DPP6: variants seen among roughly 807,000 people sequenced by gnomAD.
The protein encoded by DPP6 is dipeptidyl peptidase like 6.
Under a neutral mutation model 122.6 loss-of-function variants are expected in DPP6, and 69 were observed. The ratio of observed to expected loss-of-function variants is 0.56; its 90% confidence interval spans 0.46 to 0.69. DPP6 has a LOEUF of 0.69. DPP6 is among the 30% of genes least tolerant of loss of function. The pLI, the probability that DPP6 is intolerant of heterozygous loss-of-function variation, is 0.00. For synonymous variants in DPP6, 418 were observed against 433.1 expected (o/e 0.97, Z 0.43); for missense variants, 928 against 1,116.9 (o/e 0.83, Z 2.41).
intron 1 of DPP6, among the ~76,000 whole-genome samples, chr7:154,386,809 C>T (rs760899895): frequency 6.6e-6 from 1 of 152,102 alleles, no homozygotes; most frequent in Non-Finnish European, 1.5e-5. Context: ...CCACTGAGCT[C>T]GTGCAATACT....
chr7:154,369,391 G>C (rs1003895245), intron 1 of DPP6, among the ~76,000 whole-genome samples: 2 of 152,092 alleles, frequency 1.3e-5, no homozygotes, highest in Admixed American at 6.5e-5. Context: ...TTTTGAGACA[G>C]AGTTTTGCTA....
the DPP6 span, among the ~76,000 whole-genome samples, chr7:153,795,479 G>A: frequency 6.6e-6 from 1 of 152,106 alleles, no homozygotes; most frequent in African/African-American, 2.4e-5. Flanking sequence ...TTTGTAAGCT[G>A]TGTCTTACCT....
chr7:154,696,614 C>T (rs1174773067), intron 7 of DPP6, among the ~76,000 whole-genome samples: 1 of 152,168 alleles, frequency 6.6e-6, no homozygotes, highest in East Asian at 1.9e-4. Context: ...CAGCCTGGTC[C>T]CCATCCAGGC....
chr7:154,601,595 C>T (rs1833410733), intron 5 of DPP6, among the ~76,000 whole-genome samples: 1 of 121,188 alleles, frequency 8.3e-6, no homozygotes, highest in African/African-American at 2.6e-5. Flanking sequence ...CTAACCTCTT[C>T]ATATGTTTAC....
chr7:154,298,682 C>G (rs1214936901), intron 1 of DPP6, among the ~76,000 whole-genome samples: 1 of 152,122 alleles, frequency 6.6e-6, no homozygotes, highest in African/African-American at 2.4e-5. Flanking sequence ...GCGTTAGGGC[C>G]TTTGGGAACT....
intron 1 of DPP6, among the ~76,000 whole-genome samples, chr7:154,136,994 C>G (rs1359954046): frequency 1.3e-5 from 2 of 152,220 alleles, no homozygotes; most frequent in Non-Finnish European, 2.9e-5. Context: ...ACCACCCTGT[C>G]TTACCACAGT....
intron 4 of DPP6, among the ~76,000 whole-genome samples, chr7:154,541,835 C>T (rs977454722): frequency 6.6e-6 from 1 of 152,036 alleles, no homozygotes; most frequent in Non-Finnish European, 1.5e-5. Flanking sequence ...GGATCCTGAG[C>T]GAGACTTAGA....
chr7:154,781,634 T>C (rs1797036734), intron 10 of DPP6, among the ~76,000 whole-genome samples: 1 of 152,220 alleles, frequency 6.6e-6, no homozygotes, highest in Non-Finnish European at 1.5e-5. Context: ...GAGCAGCGCT[T>C]GGTATTTAGG....
intron 1 of DPP6, among the ~76,000 whole-genome samples, chr7:154,440,856 C>T (rs1425172124): frequency 1.3e-5 from 2 of 152,188 alleles, no homozygotes; most frequent in Admixed American, 1.3e-4. Context: ...CAAGGCTGGA[C>T]CTCAGCTGTC....
chr7:154,540,661 G>T (rs1422187911), intron 4 of DPP6, 35 bp downstream of exon 4: 1 of 1,316,346 alleles, frequency 7.6e-7, no homozygotes, highest in East Asian at 2.5e-5. Flanking sequence ...GATAATTTCA[G>T]TTTTTCTTCC....
chr7:153,876,119 G>T, the DPP6 span, among the ~76,000 whole-genome samples: 1 of 151,886 alleles, frequency 6.6e-6, no homozygotes, highest in Non-Finnish European at 1.5e-5. Context: ...AGACTGGTAT[G>T]CACCTAATAA....
intron 1 of DPP6, among the ~76,000 whole-genome samples, chr7:154,074,104 GAT>G (rs1803354274): frequency 1.7e-4 from 14 of 81,888 alleles, no homozygotes; most frequent in African/African-American, 5.9e-4. Context: ...TCTATATAGA[GAT>G]AGAGAGATAT....
intron 1 of DPP6, among the ~76,000 whole-genome samples, chr7:154,105,892 T>C (rs943678212): frequency 6.6e-6 from 1 of 151,104 alleles, no homozygotes; most frequent in African/African-American, 2.5e-5. Flanking sequence ...GAGAACAGAC[T>C]GATGCATCAG....
At chr7:153,813,059 T>G in the DPP6 span, among the ~76,000 whole-genome samples, 1 of 152,014 alleles carries the variant, frequency 6.6e-6, no homozygotes, top group Non-Finnish European at 1.5e-5. Context: ...AGGGTACATG[T>G]GCACAATGTG....
At chr7:154,319,379 G>A (rs544505788) in intron 1 of DPP6, among the ~76,000 whole-genome samples, 13 of 152,180 alleles carry the variant, frequency 8.5e-5, no homozygotes, top group Admixed American at 3.9e-4. Flanking sequence ...TTTGTATAAC[G>A]CTTAGCACCA....
At chr7:153,844,023 A>T in the DPP6 span, among the ~76,000 whole-genome samples, 2 of 152,150 alleles carry the variant, frequency 1.3e-5, no homozygotes, top group Non-Finnish European at 2.9e-5. Flanking sequence ...CAAGGGTCGC[A>T]TTCCATTCCC....
chr7:154,297,063 G>GTTTTTTTTTTTTTTTTT (rs34506058), intron 1 of DPP6, among the ~76,000 whole-genome samples: 6 of 125,260 alleles, frequency 4.8e-5, no homozygotes, highest in Non-Finnish European at 4.8e-5. Flanking sequence ...AATGTATTCT[G>GTTTTTTTTTTTTTTTTT]TTTTTTTTTT....
intron 1 of DPP6, among the ~76,000 whole-genome samples, chr7:154,250,196 CTTGGTTTTTG>C (rs1275418772): frequency 3.0e-4 from 45 of 152,070 alleles, no homozygotes; most frequent in Non-Finnish European, 1.3e-4. Context: ...CACTCGGGAG[CTTGGTTTTTG>C]AGACGTGAGT....
At chr7:154,575,466 GT>G (rs1831566500) in intron 5 of DPP6, among the ~76,000 whole-genome samples, 4 of 23,008 alleles carry the variant, frequency 1.7e-4, no homozygotes, top group Admixed American at 5.1e-4. Flanking sequence ...GTGNGCGGGT[GT>G]ATGTGTGTGG....
Sources: allele counts gnomAD v4.1 joint callset (sites outside exome capture counted in the v4.1 genomes callset), GRCh38; gene constraint gnomAD v4.1.1; transcripts MANE v1.5; gene names NCBI Gene and HGNC (gene_info 2026-07-23, HGNC 2026-07-21).